Variants in RGS6 observed in about 807,000 individuals in gnomAD.
RGS6 encodes regulator of G protein signaling 6.
RGS6 carries 30 observed loss-of-function variants against 78.5 expected under a neutral mutation model. That is an observed-to-expected ratio of 0.38 (90% CI 0.29 to 0.52). The LOEUF is 0.52. Among genes scored for constraint, RGS6 ranks in the 20% least tolerant of loss-of-function variants. The probability of loss-of-function intolerance (pLI) is 0.85; values close to 1 mark genes in which losing one functional copy is unlikely to be tolerated. For missense variants in RGS6, 495 were observed against 609.7 expected, an observed-to-expected ratio of 0.81 and a Z score of 1.98; for synonymous variants, 206 against 206.0, an observed-to-expected ratio of 1.00 and a Z score of 0.00.
chr14:72,294,069 C>T (rs563561591), intron 2 of RGS6, among the ~76,000 whole-genome samples: 1 of 152,314 alleles, frequency 6.6e-6, no homozygotes, highest in South Asian at 2.1e-4. Flanking sequence ...CCATGCTCTG[C>T]TTCTCCACGC....
chr14:72,259,695 CAGG>C (rs1207884849), intron 2 of RGS6, among the ~76,000 whole-genome samples: 1 of 151,502 alleles, frequency 6.6e-6, no homozygotes, highest in Non-Finnish European at 1.5e-5. Flanking sequence ...ATCACGAGGT[CAGG>C]AGATCGACAC....
At chr14:72,215,171 C>T (rs965187981) in intron 2 of RGS6, among the ~76,000 whole-genome samples, 1 of 152,146 alleles carries the variant, frequency 6.6e-6, no homozygotes, top group Non-Finnish European at 1.5e-5. Flanking sequence ...GGCTGCTATC[C>T]ACTCTTCTCT....
intron 2 of RGS6, among the ~76,000 whole-genome samples, chr14:72,160,779 C>T (rs763327228): frequency 6.6e-6 from 1 of 152,196 alleles, no homozygotes; most frequent in Non-Finnish European, 1.5e-5. Flanking sequence ...ACCGTGCTGA[C>T]ACCTTGACTT....
intron 2 of RGS6, among the ~76,000 whole-genome samples, chr14:72,302,177 AATT>A (rs992525040): frequency 6.6e-6 from 1 of 152,222 alleles, no homozygotes; most frequent in Non-Finnish European, 1.5e-5. Context: ...AGTCGTAGTC[AATT>A]ATAACAATAG....
At chr14:72,436,952 C>A (rs1171210055) in intron 3 of RGS6, among the ~76,000 whole-genome samples, 1 of 152,098 alleles carries the variant, frequency 6.6e-6, no homozygotes, top group Non-Finnish European at 1.5e-5. Context: ...ACCCTCACTG[C>A]ATTAATGGAG....
chr14:72,379,271 A>C (rs977383965), intron 3 of RGS6, among the ~76,000 whole-genome samples: 4 of 152,150 alleles, frequency 2.6e-5, no homozygotes, highest in African/African-American at 9.6e-5. Flanking sequence ...AAGAACTGGA[A>C]AAAGACAAGG....
intron 6 of RGS6, among the ~76,000 whole-genome samples, chr14:72,461,973 T>G (rs2095794028): frequency 6.6e-6 from 1 of 152,166 alleles, no homozygotes; most frequent in African/African-American, 2.4e-5. Flanking sequence ...GTATCACTAC[T>G]GGGGTGGGGT....
chr14:72,419,022 G>C (rs2094009037), intron 3 of RGS6, among the ~76,000 whole-genome samples: 2 of 152,210 alleles, frequency 1.3e-5, no homozygotes, highest in Non-Finnish European at 2.9e-5. Flanking sequence ...AGCCCACCCA[G>C]GGAGCGGGCT....
chr14:72,070,150 G>GTC (rs953791903), intron 2 of RGS6, among the ~76,000 whole-genome samples: 1 of 151,622 alleles, frequency 6.6e-6, no homozygotes, highest in Admixed American at 6.6e-5. Flanking sequence ...CTCTCTCTCT[G>GTC]TCTCTCTCTG....
At chr14:72,346,344 G>A (rs2078047661) in intron 2 of RGS6, among the ~76,000 whole-genome samples, 2 of 152,120 alleles carry the variant, frequency 1.3e-5, no homozygotes, top group South Asian at 4.1e-4. Flanking sequence ...GGAGTGTCAC[G>A]GGTCAAAGCA....
chr14:72,442,907 G>C (rs962196422), intron 3 of RGS6, among the ~76,000 whole-genome samples: 4 of 152,196 alleles, frequency 2.6e-5, no homozygotes, highest in African/African-American at 9.6e-5. Context: ...AAATTGATCT[G>C]GGAGTAGATC....
At chr14:72,531,277 A>T (rs2097179312) in intron 15 of RGS6, among the ~76,000 whole-genome samples, 1 of 152,096 alleles carries the variant, frequency 6.6e-6, no homozygotes, top group South Asian at 2.1e-4. Flanking sequence ...CACTAAAAAT[A>T]AAAAAATCAG....
chr14:72,386,220 C>T (rs1157661618), intron 3 of RGS6, among the ~76,000 whole-genome samples: 4 of 152,222 alleles, frequency 2.6e-5, no homozygotes, highest in Non-Finnish European at 4.4e-5. Flanking sequence ...TTTACAAAAT[C>T]ATGTTTGATG....
intron 2 of RGS6, among the ~76,000 whole-genome samples, chr14:71,971,712 G>A (rs979970498): frequency 1.3e-5 from 2 of 152,102 alleles, no homozygotes; most frequent in Admixed American, 1.3e-4. Context: ...ATGTTGACTC[G>A]GATTATGGTT....
At chr14:72,573,880 T>A in the RGS6 span, among the ~76,000 whole-genome samples, 2 of 152,162 alleles carry the variant, frequency 1.3e-5, no homozygotes, top group African/African-American at 4.8e-5. Context: ...TGTGAGCTGA[T>A]CTATTGAGTG....
rs183586952 is a variant in RGS6, at chr14:72,464,183, G to A, written c.395-1575G>A. On this transcript the variant is annotated intron_variant, in intron 6 of 17. Coordinates refer to ENST00000553525, the MANE Select transcript of RGS6 (RefSeq NM_001204424.2). ...TTTATTATTTTTCTTACTTTTTCCT[G>A]TTATCTCACCTGTATCAAATTCACC... 1.6e-4 allele frequency among the ~76,000 whole-genome samples: 25 copies of A among 152,122 alleles called. No homozygotes were observed. In the East Asian group the frequency reaches 4.2e-3, roughly 26 times the overall value.
chr14:71,869,516 T>C, the RGS6 span, among the ~76,000 whole-genome samples: 1 of 152,190 alleles, frequency 6.6e-6, no homozygotes, highest in African/African-American at 2.4e-5. Flanking sequence ...GTTGCTACAG[T>C]CACTGCTGAG....
rs545845068 is a variant in RGS6 at position 72,177,872 on chromosome 14, C to T, written c.85-174223C>T. On this transcript the variant is annotated intron_variant, in intron 2 of 17. Coordinates refer to ENST00000553525, the MANE Select transcript of RGS6 (RefSeq NM_001204424.2). ...GCTGTTATCTTAACATCCACAACTA[C>T]ATGTCGAGAGAATACGAAAATGTGT... Among the ~76,000 whole-genome samples the T allele has an allele frequency of 2.0e-5, 3 of 152,340 alleles. No homozygotes were observed. In the South Asian group the frequency reaches 6.2e-4, roughly 32 times the overall value.
the RGS6 span, among the ~76,000 whole-genome samples, chr14:72,614,594 G>A: frequency 6.6e-6 from 1 of 151,854 alleles, no homozygotes; most frequent in Non-Finnish European, 1.5e-5. Flanking sequence ...CTCCCTCACT[G>A]CCTTCTCTCC....
Sources: gnomAD v4.1 joint callset for allele counts (sites outside exome capture counted in the v4.1 genomes callset) on GRCh38, gnomAD v4.1.1 for gene constraint, MANE v1.5 for transcripts, NCBI Gene and HGNC (gene_info 2026-07-23, HGNC 2026-07-21) for gene names.